ZBTB45: variants seen among roughly 807,000 people sequenced by gnomAD.
The protein encoded by ZBTB45 is zinc finger and BTB domain-containing protein 45.
ZBTB45 carries 22 observed loss-of-function variants against 28.4 expected under a neutral mutation model. That is an observed-to-expected ratio of 0.77 (90% confidence interval 0.55 to 1.10). The LOEUF (loss-of-function observed/expected upper bound fraction) is 1.10, where lower values mean the gene tolerates loss of function less well. ZBTB45 is among the 50% of genes least tolerant of loss of function. ZBTB45 has a pLI of 0.00. For synonymous variants in ZBTB45, 361 were observed against 332.3 expected (o/e 1.09, Z -0.94); for missense variants, 656 against 750.2 (o/e 0.87, Z 1.47).
At position 58,516,982 on chromosome 19, in the gene ZBTB45, C is replaced by T; in HGVS notation, c.692G>A (p.Gly231Asp). 1.2e-6 allele frequency: 2 copies of T among 1,613,210 alleles called. No homozygotes were observed. Among genetic ancestry groups the T allele is most frequent in the Non-Finnish European group, 8.5e-7 (1 of 1,180,008 alleles). ...EDGEGGGPGE[G>D]QAPPSFPDCA... is the part of the protein sequence containing the mutation. ...GTCTGGGAAGGAAGGAGGTGCCTGG[C>T]CCTCGCCTGGGCCGCCACCTTCGCC... is the stretch of plus-strand genomic sequence containing the variant. Residue 231 changes from glycine (G) to aspartate (D), a missense_variant, in exon 2 of 3, where the codon GGC becomes GAC. Transcript: ENST00000594051. This position sits in a 1 kb window ranked among gnomAD's most constrained non-coding sequence, Gnocchi z 6.2.
chr19:58,514,278 G>A lies in ZBTB45; in HGVS notation c.1312C>T (p.Arg438Ter), dbSNP rs1387930895. 2 of 1,608,760 alleles carry A rather than the reference G, an allele frequency of 1.2e-6. No homozygotes were observed. Among genetic ancestry groups the A allele is most frequent in the African/African-American group, 1.3e-5 (1 of 74,900 alleles). ...EKPHQCAVCW[R>*]SFSLRDYLLK... ...AGGTAGTCGCGTAGAGAGAAGGATCGCCAGCACACGGCGCACTGGTGCGGC... is the reference window on the plus strand; with the variant it reads ...AGGTAGTCGCGTAGAGAGAAGGATCACCAGCACACGGCGCACTGGTGCGGC... Residue 438 changes from arginine to a stop codon, truncating the protein, a stop_gained, in exon 3 of 3, where the codon CGA (arginine) becomes TGA (stop). Transcript: ENST00000594051. LOFTEE classifies it high-confidence loss of function.
In ZBTB45 at chr19:58,513,863, G is replaced by T; in HGVS notation, c.*191C>A. Reference sequence around the variant, plus strand: ...GCCCCAGCCCGGCACCACCTGGAGGGTTCAAGTACATGGAGGAGAGGAGTA... The same window carrying T: ...GCCCCAGCCCGGCACCACCTGGAGGTTTCAAGTACATGGAGGAGAGGAGTA... On this transcript the variant is annotated 3_prime_UTR_variant, in exon 3 of 3. Transcript: ENST00000594051. 1.5e-6 allele frequency: 1 copy of T among 660,636 alleles called. No homozygotes were observed. The highest frequency in any genetic ancestry group is 2.2e-6 in the Non-Finnish European group (1 of 446,776). 40.9% of individuals were successfully genotyped at this position (660,636 alleles called of 1,614,324 possible). A position where few individuals can be genotyped will look rare whatever the true frequency, so the allele number is the denominator to read the frequency against.
upstream of ZBTB45, among the ~76,000 whole-genome samples, chr19:58,522,668 T>G (rs1265981740): frequency 1.3e-5 from 2 of 152,134 alleles, no homozygotes; most frequent in Non-Finnish European, 2.9e-5. Context: ...CACACAAGTC[T>G]AATAACCTGC....
chr19:58,517,290 C>T lies in ZBTB45; in HGVS notation c.384G>A (p.Pro128=), dbSNP rs909293971. The part of the protein sequence containing the change: ...CTQIIARARA[P]GTSAPTPLPT... The stretch of plus-strand genomic sequence containing the variant: ...GCAGGGGCGTGGGCGCAGAGGTGCC[C>T]GGGGCTCGAGCGCGGGCGATAATCT... Residue 128 remains proline (P), a synonymous_variant, in exon 2 of 3, where the codon CCG becomes CCA. Coordinates refer to ENST00000594051, the MANE Select transcript of ZBTB45 (RefSeq NM_001316979.2). The T allele has an allele frequency of 1.3e-5, 21 of 1,599,230 alleles. No individual in the cohort carries two copies. The highest frequency in any genetic ancestry group is 8.0e-5 in the African/African-American group (6 of 74,772).
upstream of ZBTB45, among the ~76,000 whole-genome samples, chr19:58,521,699 A>C (rs1426761592): frequency 6.6e-6 from 1 of 152,216 alleles, no homozygotes; most frequent in Admixed American, 6.5e-5. Context: ...AATAAATGCC[A>C]CTATTTGTTT....
intron 1 of ZBTB45, among the ~76,000 whole-genome samples, chr19:58,533,878 G>A (rs546263269): frequency 1.3e-5 from 2 of 152,306 alleles, no homozygotes; most frequent in Admixed American, 1.3e-4. Flanking sequence ...AAGAGAACAT[G>A]TAAGCAAACT....
At chr19:58,521,376 A>T (rs1028908165), upstream of ZBTB45, among the ~76,000 whole-genome samples, 3 of 145,554 alleles carry the variant, frequency 2.1e-5, no homozygotes, top group African/African-American at 7.5e-5. Context: ...CAAAAAAAAA[A>T]AAAAAAAAGA....
chr19:58,518,450 G>A (rs73580830), intron 1 of ZBTB45, among the ~76,000 whole-genome samples: 4,663 of 152,216 alleles, frequency 0.031, 229 homozygotes, highest in African/African-American at 0.11. Context: ...CGAGCAGGGA[G>A]GTGGCTCCTG....
intron 2 of ZBTB45, 126 bp from the exon 3 acceptor site, chr19:58,514,436 C>A (rs1243128624): frequency 1.2e-5 from 15 of 1,240,026 alleles, no homozygotes; most frequent in Non-Finnish European, 1.6e-5. Context: ...AACCACCACC[C>A]CGGGATCCCT....
intron 1 of ZBTB45, among the ~76,000 whole-genome samples, chr19:58,532,570 G>C (rs2053640396): frequency 1.3e-5 from 2 of 152,084 alleles, no homozygotes; most frequent in South Asian, 4.1e-4. Context: ...TTTTGAGATG[G>C]AGTTTCGCGC....
In ZBTB45 at chr19:58,514,225, G is replaced by A. The variant is rs1368737960; in HGVS notation, c.1365C>T (p.Gly455=). ...YLLKHMVTHT[G]VRAFQCAVCA... ...AGACGGCGCACTGGAAGGCGCGCAC[G>A]CCGGTGTGCGTGACCATGTGTTTGA... Residue 455 remains glycine, a synonymous_variant, in exon 3 of 3, where the codon GGC becomes GGT. Transcript: ENST00000594051. 1 of 1,612,584 alleles carries A rather than the reference G, an allele frequency of 6.2e-7. No homozygotes were observed. Among genetic ancestry groups the A allele is most frequent in the Admixed American group, 1.7e-5 (1 of 59,984 alleles).
upstream of ZBTB45, among the ~76,000 whole-genome samples, chr19:58,523,374 G>T (rs995292996): frequency 6.6e-6 from 1 of 150,736 alleles, no homozygotes; most frequent in Non-Finnish European, 1.5e-5. Flanking sequence ...GGTGAAACCC[G>T]GTCTCTACTA....
At chr19:58,522,675 C>G (rs1312987665), upstream of ZBTB45, among the ~76,000 whole-genome samples, 1 of 152,160 alleles carries the variant, frequency 6.6e-6, no homozygotes, top group African/African-American at 2.4e-5. Flanking sequence ...GTCTAATAAC[C>G]TGCCATCATC....
At chr19:58,521,051 C>CA (rs71190053), upstream of ZBTB45, among the ~76,000 whole-genome samples, 34 of 27,822 alleles carry the variant, frequency 1.2e-3, 3 homozygotes, top group African/African-American at 6.1e-3. Context: ...GACTCCGTCT[C>CA]AAAAAAAAAA....
upstream of ZBTB45, among the ~76,000 whole-genome samples, chr19:58,524,649 C>G (rs1396260136): frequency 6.6e-6 from 1 of 151,768 alleles, no homozygotes; most frequent in Non-Finnish European, 1.5e-5. Context: ...TTTGGGAGGC[C>G]GAGGCGGGCG....
chr19:58,533,485 C>T (rs749065210), intron 1 of ZBTB45, among the ~76,000 whole-genome samples: 1 of 151,984 alleles, frequency 6.6e-6, no homozygotes, highest in Admixed American at 6.6e-5. Flanking sequence ...AGTGACAAGC[C>T]GAGGCCACCA....
chr19:58,524,114 C>T (rs563971666), upstream of ZBTB45, among the ~76,000 whole-genome samples: 39 of 138,264 alleles, frequency 2.8e-4, no homozygotes, highest in Middle Eastern at 0.014. Context: ...TGCCTGTCAT[C>T]TCAGGACTTT....
chr19:58,514,442 T>G, intron 2 of ZBTB45, 132 bp from the exon 3 acceptor site: 2 of 1,179,656 alleles, frequency 1.7e-6, no homozygotes, highest in African/African-American at 1.6e-5. Context: ...CACCCCGGGA[T>G]CCCTTGCCTA....
exon 1 of ZBTB45, chr19:58,538,885 A>T (rs749553488): frequency 6.6e-6 from 1 of 152,192 alleles, no homozygotes; most frequent in Non-Finnish European, 1.5e-5. Flanking sequence ...GGCCAGCCTC[A>T]ATGCACCCAC....
Sources: allele counts gnomAD v4.1 joint callset (sites outside exome capture counted in the v4.1 genomes callset), GRCh38; gene constraint gnomAD v4.1.1; non-coding constraint Gnocchi (gnomAD v3.1); transcripts MANE v1.5; gene names NCBI Gene and HGNC (gene_info 2026-07-23, HGNC 2026-07-21).